The following RYR2 variants were observed in gnomAD, a reference collection of about 807,000 sequenced individuals.
RYR2 encodes ryanodine receptor 2, also known as cardiac muscle ryanodine receptor-calcium release channel.
Under a neutral mutation model 601.1 loss-of-function variants are expected in RYR2, and 227 were observed. That is an observed-to-expected ratio of 0.38 (90% CI 0.34 to 0.42). The LOEUF (loss-of-function observed/expected upper bound fraction) is 0.42. Among genes scored for constraint, RYR2 ranks in the 10% least tolerant of loss-of-function variants. The pLI is 1.00. For synonymous variants in RYR2, 2,223 were observed against 2,175.1 expected (o/e 1.02, Z -0.61); for missense variants, 4,646 against 6,156.5 (o/e 0.75, Z 8.21).
At chr1:237,050,629 A>G (rs577767473) in intron 1 of RYR2, among the ~76,000 whole-genome samples, 2 of 152,324 alleles carry the variant, frequency 1.3e-5, no homozygotes, top group East Asian at 3.9e-4. Context: ...TTAGAATCTG[A>G]TTCATAATGT....
At chr1:237,293,859 G>A (rs1052675225) in intron 2 of RYR2, among the ~76,000 whole-genome samples, 1 of 152,046 alleles carries the variant, frequency 6.6e-6, no homozygotes, top group Non-Finnish European at 1.5e-5. Flanking sequence ...TTGTAGGCAT[G>A]GTTGATTCCA....
chr1:237,712,558 C>T (rs1250853536), intron 71 of RYR2, among the ~76,000 whole-genome samples: 1 of 152,136 alleles, frequency 6.6e-6, no homozygotes. Flanking sequence ...CACACACACA[C>T]ACGCACCCCC....
At chr1:237,105,359 G>A (rs1184667317) in intron 1 of RYR2, among the ~76,000 whole-genome samples, 1 of 152,132 alleles carries the variant, frequency 6.6e-6, no homozygotes, top group Non-Finnish European at 1.5e-5. Flanking sequence ...AATGAGAGTA[G>A]AACAGGATAA....
chr1:237,383,063 A>T (rs1466230388), intron 8 of RYR2, among the ~76,000 whole-genome samples: 2 of 152,178 alleles, frequency 1.3e-5, no homozygotes, highest in Non-Finnish European at 2.9e-5. Flanking sequence ...GAATAAATGA[A>T]TGAATAATTG....
chr1:237,376,874 C>G (rs1224174366), intron 7 of RYR2, among the ~76,000 whole-genome samples: 3 of 152,040 alleles, frequency 2.0e-5, no homozygotes, highest in Admixed American at 2.0e-4. Context: ...GAGTCAGCAT[C>G]CAAAAATAAC....
At chr1:237,687,171 G>T (rs1005096513) in intron 62 of RYR2, among the ~76,000 whole-genome samples, 2 of 151,680 alleles carry the variant, frequency 1.3e-5, no homozygotes, top group African/African-American at 2.4e-5. Flanking sequence ...ATATTAATTA[G>T]CTTTGCTTTC....
intron 27 of RYR2, among the ~76,000 whole-genome samples, chr1:237,563,787 C>T (rs1468956423): frequency 1.3e-5 from 2 of 151,988 alleles, no homozygotes; most frequent in Non-Finnish European, 2.9e-5. Context: ...TTGATTTGTG[C>T]TAATATTAAA....
chr1:237,308,423 C>T (rs1430154294), intron 2 of RYR2, among the ~76,000 whole-genome samples: 6 of 152,150 alleles, frequency 3.9e-5, no homozygotes, highest in Admixed American at 2.6e-4. Flanking sequence ...CTTTGCACTG[C>T]GCACTCACCT....
intron 35 of RYR2, among the ~76,000 whole-genome samples, chr1:237,608,467 A>T (rs2151183): frequency 6.6e-6 from 1 of 152,078 alleles, no homozygotes; most frequent in South Asian, 2.1e-4. Flanking sequence ...CTTTGGGAGG[A>T]AGGAGGAATC....
intron 6 of RYR2, among the ~76,000 whole-genome samples, chr1:237,372,517 G>T (rs533169686): frequency 3.3e-5 from 5 of 152,244 alleles, no homozygotes; most frequent in African/African-American, 9.6e-5. Flanking sequence ...GACATGTCAA[G>T]ATATAAAACA....
intron 80 of RYR2, among the ~76,000 whole-genome samples, chr1:237,742,695 A>T (rs1691719803): frequency 6.6e-6 from 1 of 152,202 alleles, no homozygotes; most frequent in Non-Finnish European, 1.5e-5. Context: ...CATGATGTCA[A>T]GTTTTTCAGT....
At position 237,238,046 on chromosome 1, in the gene RYR2, C is replaced by T. The variant is rs189429902; in HGVS notation, c.49-32451C>T. Among the ~76,000 whole-genome samples the T allele has an allele frequency of 2.8e-4, 41 of 148,420 alleles. 1 individual carries two copies. In the East Asian group the frequency reaches 6.8e-3, roughly 24 times the overall value. ...GGCGCATCATGGCTTATTGCAGCCT[C>T]GACCTCCAGATGATCCTCCCATCTC... On this transcript the variant is annotated intron_variant, in intron 1 of 104. Coordinates refer to ENST00000366574, the MANE Select transcript of RYR2 (RefSeq NM_001035.3).
At chr1:237,049,437 T>C (rs550951497) in intron 1 of RYR2, among the ~76,000 whole-genome samples, 17 of 152,094 alleles carry the variant, frequency 1.1e-4, no homozygotes, top group Non-Finnish European at 2.1e-4. Context: ...TGGGGTCAGA[T>C]AGAGATTTGT....
chr1:237,173,889 T>C (rs1677706983), intron 1 of RYR2, among the ~76,000 whole-genome samples: 1 of 152,088 alleles, frequency 6.6e-6, no homozygotes, highest in Non-Finnish European at 1.5e-5. Context: ...GCCCCGTCTC[T>C]ACTAAAAATA....
intron 1 of RYR2, among the ~76,000 whole-genome samples, chr1:237,148,861 A>G (rs1558321057): frequency 6.6e-6 from 1 of 152,092 alleles, no homozygotes; most frequent in African/African-American, 2.4e-5. Flanking sequence ...TTGTCGTTGG[A>G]ATTGCCCTGC....
intron 1 of RYR2, among the ~76,000 whole-genome samples, chr1:237,092,425 T>C (rs1268992733): frequency 6.6e-6 from 1 of 152,186 alleles, no homozygotes; most frequent in Non-Finnish European, 1.5e-5. Flanking sequence ...TATTCTGCCA[T>C]GTGAAATGTC....
intron 17 of RYR2, among the ~76,000 whole-genome samples, chr1:237,483,734 C>T (rs1662371475): frequency 6.6e-6 from 1 of 152,244 alleles, no homozygotes; most frequent in Non-Finnish European, 1.5e-5. Context: ...AGTTTACTTC[C>T]CCATCTTTTT....
intron 1 of RYR2, among the ~76,000 whole-genome samples, chr1:237,082,063 C>T (rs1053000065): frequency 3.9e-5 from 6 of 152,048 alleles, no homozygotes; most frequent in Non-Finnish European, 7.4e-5. Flanking sequence ...CAGCGAGGTC[C>T]CCAGGGAGAA....
intron 1 of RYR2, among the ~76,000 whole-genome samples, chr1:237,205,930 G>A (rs775695738): frequency 2.0e-5 from 3 of 152,224 alleles, no homozygotes; most frequent in Non-Finnish European, 4.4e-5. Context: ...TCAGACCCGC[G>A]ACTGGCTCAA....
Sources: allele counts gnomAD v4.1 joint callset (sites outside exome capture counted in the v4.1 genomes callset), GRCh38; gene constraint gnomAD v4.1.1; transcripts MANE v1.5; gene names NCBI Gene and HGNC (gene_info 2026-07-23, HGNC 2026-07-21).